ITPRID1: variants seen among roughly 807,000 people sequenced by gnomAD.
ITPRID1 encodes the protein ITPR interacting domain containing 1.
In ITPRID1, 96 loss-of-function variants were observed where a neutral mutation model predicts 95.4. That is an observed-to-expected ratio of 1.01 (90% CI 0.85 to 1.19). ITPRID1 has a LOEUF of 1.19. Ranked by LOEUF, ITPRID1 falls within the 50% of genes most tolerant of loss-of-function variation. The probability of loss-of-function intolerance (pLI) is 0.00; values close to 1 mark genes in which losing one functional copy is unlikely to be tolerated. For missense variants in ITPRID1, 1,339 were observed against 1,252.9 expected, an observed-to-expected ratio of 1.07 and a Z score of -1.04; for synonymous variants, 510 against 453.6, an observed-to-expected ratio of 1.12 and a Z score of -1.58.
chr7:31,532,306 C>T (rs1783626047), intron 1 of ITPRID1, among the ~76,000 whole-genome samples: 1 of 151,852 alleles, frequency 6.6e-6, no homozygotes, highest in African/African-American at 2.4e-5. Context: ...GTTATGTTGC[C>T]CATTAATGAC....
At chr7:31,600,571 G>C (rs1470564522) in intron 10 of ITPRID1, among the ~76,000 whole-genome samples, 1 of 152,316 alleles carries the variant, frequency 6.6e-6, no homozygotes, top group East Asian at 1.9e-4. Context: ...AGAAAGCCAA[G>C]TGCGTTGCAT....
intron 12 of ITPRID1, among the ~76,000 whole-genome samples, chr7:31,649,900 G>T (rs187154604): frequency 6.6e-6 from 1 of 152,302 alleles, no homozygotes; most frequent in African/African-American, 2.4e-5. Flanking sequence ...AAAGAGCTGA[G>T]CTCCACTCCA....
At chr7:31,569,032 A>G (rs1423002485) in intron 5 of ITPRID1, among the ~76,000 whole-genome samples, 1 of 152,254 alleles carries the variant, frequency 6.6e-6, no homozygotes, top group East Asian at 1.9e-4. Context: ...TAATATGCTT[A>G]GCACATTGCC....
chr7:31,536,048 T>A (rs974192702), intron 1 of ITPRID1, among the ~76,000 whole-genome samples: 3 of 152,198 alleles, frequency 2.0e-5, no homozygotes, highest in African/African-American at 7.2e-5. Context: ...CAGGCTATTA[T>A]GATTTGAAAT....
chr7:31,567,218 A>G (rs1583507156), intron 5 of ITPRID1, among the ~76,000 whole-genome samples: 1 of 152,188 alleles, frequency 6.6e-6, no homozygotes, highest in East Asian at 1.9e-4. Context: ...TTTCCTAATA[A>G]TGGTCATTTA....
chr7:31,621,254 G>T (rs1409501537), intron 10 of ITPRID1, among the ~76,000 whole-genome samples: 1 of 150,150 alleles, frequency 6.7e-6, no homozygotes, highest in Admixed American at 6.7e-5. Context: ...GAAATGCAGA[G>T]AATGCCACAA....
intron 1 of ITPRID1, among the ~76,000 whole-genome samples, chr7:31,533,305 G>A (rs1274126511): frequency 6.6e-6 from 1 of 151,962 alleles, no homozygotes; most frequent in Admixed American, 6.6e-5. Context: ...GAAGTTTCTT[G>A]ATAACATATG....
At chr7:31,627,825 TA>T (rs1465921009) in intron 10 of ITPRID1, among the ~76,000 whole-genome samples, 1 of 152,172 alleles carries the variant, frequency 6.6e-6, no homozygotes, top group Non-Finnish European at 1.5e-5. Context: ...AAAAGGAGAT[TA>T]ATTGGAATTA....
downstream of ITPRID1, chr7:31,658,422 T>C (rs1277628442): frequency 2.0e-6 from 3 of 1,477,546 alleles, no homozygotes; most frequent in Non-Finnish European, 2.7e-6. Flanking sequence ...AAATAATCAG[T>C]TTCCAGAGTA....
chr7:31,517,109 A>G (rs1050091654), intron 1 of ITPRID1, among the ~76,000 whole-genome samples: 4 of 152,200 alleles, frequency 2.6e-5, no homozygotes, highest in African/African-American at 9.6e-5. Context: ...TTCCCAGAGA[A>G]CAAAGCAAAC....
At chr7:31,569,681 G>T in intron 5 of ITPRID1, 77 bp from the exon 6 acceptor site, 1 of 1,292,128 alleles carries the variant, frequency 7.7e-7, no homozygotes, top group Non-Finnish European at 1.1e-6. Context: ...TTCTACCTTG[G>T]TTTCATTTGG....
At chr7:31,606,067 T>A (rs193055827) in intron 10 of ITPRID1, among the ~76,000 whole-genome samples, 11 of 152,256 alleles carry the variant, frequency 7.2e-5, no homozygotes, top group Admixed American at 7.2e-4. Flanking sequence ...TATTCTATGT[T>A]CATTAAATTT....
chr7:31,652,846 T>A lies in ITPRID1; in HGVS notation c.*17T>A. 6.2e-7 allele frequency: 1 copy of A among 1,602,386 alleles called. No homozygotes were observed. Among genetic ancestry groups the A allele is most frequent in the Non-Finnish European group, 8.5e-7 (1 of 1,170,720 alleles). Reference sequence around the variant, plus strand: ...TTCCTCTAGATCAGAGCAGGTTTGTTAACCTTCATACAAAATATAAAGGCC... The same window carrying A: ...TTCCTCTAGATCAGAGCAGGTTTGTAAACCTTCATACAAAATATAAAGGCC... On this transcript the variant is annotated 3_prime_UTR_variant, in exon 15 of 15. Coordinates refer to ENST00000615280, the MANE Select transcript of ITPRID1 (RefSeq NM_001257967.3).
chr7:31,641,255 A>C (rs1005877223), intron 10 of ITPRID1, among the ~76,000 whole-genome samples: 2 of 152,194 alleles, frequency 1.3e-5, no homozygotes, highest in Non-Finnish European at 2.9e-5. Flanking sequence ...TCCCCTATTT[A>C]TCACTTAGGT....
chr7:31,549,407 A>G lies in ITPRID1; in HGVS notation c.-97-19A>G. 1 of 1,383,038 alleles carries G rather than the reference A, an allele frequency of 7.2e-7. No homozygotes were observed. The highest frequency in any genetic ancestry group is 9.3e-7 in the Non-Finnish European group (1 of 1,070,168). The allele number at this position is 1,383,038 out of a possible 1,614,324, so 85.7% of individuals were successfully genotyped here. ...AGACAAATGATTGCATTGATTGGTG[A>G]TTCTTCTTTACTTGACAGTTCCTGA... On this transcript the variant is annotated intron_variant, in intron 1 of 14. Transcript: ENST00000615280.
intron 5 of ITPRID1, among the ~76,000 whole-genome samples, chr7:31,568,164 C>T (rs1268159432): frequency 6.6e-6 from 1 of 151,390 alleles, no homozygotes. Flanking sequence ...GTCAGTAATA[C>T]ATCTCCAGTC....
chr7:31,615,752 CTTTTTT>C (rs11324820), intron 10 of ITPRID1, among the ~76,000 whole-genome samples: 10 of 143,446 alleles, frequency 7.0e-5, no homozygotes, highest in Non-Finnish European at 1.2e-4. Context: ...ACTGAGAATT[CTTTTTT>C]TTTTTTTTTT....
chr7:31,634,137 T>C (rs38381), intron 10 of ITPRID1, among the ~76,000 whole-genome samples: 38,960 of 152,088 alleles, frequency 0.26, 5,916 homozygotes, highest in Non-Finnish European at 0.33. Context: ...GCCTGAGGCG[T>C]CTGTCTCCTC....
chr7:31,531,410 G>A (rs1398962715), intron 1 of ITPRID1, among the ~76,000 whole-genome samples: 3 of 152,152 alleles, frequency 2.0e-5, no homozygotes, highest in Admixed American at 6.5e-5. Flanking sequence ...AAATTAAGGA[G>A]CATATGAGGA....
Sources: gnomAD v4.1 joint callset for allele counts (sites outside exome capture counted in the v4.1 genomes callset) on GRCh38, gnomAD v4.1.1 for gene constraint, MANE v1.5 for transcripts, NCBI Gene and HGNC (gene_info 2026-07-23, HGNC 2026-07-21) for gene names.